Variants in ENTPD5 observed in about 807,000 individuals in gnomAD.
ENTPD5 encodes ectonucleoside triphosphate diphosphohydrolase 5 (inactive).
ENTPD5 carries 49 observed loss-of-function variants against 60.2 expected under a neutral mutation model. That is an observed-to-expected ratio of 0.81 (90% CI 0.65 to 1.03). ENTPD5 has a LOEUF of 1.03. Among genes scored for constraint, ENTPD5 ranks in the 50% least tolerant of loss-of-function variants. ENTPD5 has a pLI of 0.00. For missense variants in ENTPD5, 480 were observed against 507.6 expected, an observed-to-expected ratio of 0.95 and a Z score of 0.52; for synonymous variants, 187 against 185.4, an observed-to-expected ratio of 1.01 and a Z score of -0.07.
At chr14:73,974,203 T>G (rs1337540193) in intron 11 of ENTPD5, among the ~76,000 whole-genome samples, 1 of 152,202 alleles carries the variant, frequency 6.6e-6, no homozygotes, top group Non-Finnish European at 1.5e-5. Context: ...CAAATTTTCA[T>G]GCATATGTGC....
At chr14:74,011,189 C>T in intron 2 of ENTPD5, 39 bp from the exon 3 acceptor site, 1 of 565,086 alleles carries the variant, frequency 1.8e-6, no homozygotes, top group Non-Finnish European at 2.2e-6. Context: ...AGAACAGTTT[C>T]CTCTTTTTCT....
chr14:73,980,173 C>T (rs2057621370), intron 6 of ENTPD5, among the ~76,000 whole-genome samples: 1 of 150,948 alleles, frequency 6.6e-6, no homozygotes, highest in African/African-American at 2.4e-5. Context: ...TCTTGAACTC[C>T]TGACCTCAGG....
chr14:73,962,992 G>A (rs773021305), downstream of ENTPD5: 61 of 1,608,472 alleles, frequency 3.8e-5, no homozygotes, highest in Non-Finnish European at 4.9e-5. Context: ...GCCTTTGCAA[G>A]CAAATGAGTA....
At chr14:73,980,592 T>G (rs918303242) in intron 6 of ENTPD5, among the ~76,000 whole-genome samples, 15 of 152,116 alleles carry the variant, frequency 9.9e-5, no homozygotes, top group Admixed American at 9.8e-4. Context: ...ATAGGGGTCT[T>G]GCTTTGTTGT....
chr14:73,978,078 G>A (rs1392769921), intron 6 of ENTPD5, among the ~76,000 whole-genome samples: 2 of 152,168 alleles, frequency 1.3e-5, no homozygotes, highest in Non-Finnish European at 2.9e-5. Context: ...TCTGATGGAT[G>A]AAACATACCA....
chr14:74,012,372 G>A (rs1267205505), intron 2 of ENTPD5, among the ~76,000 whole-genome samples: 2 of 152,146 alleles, frequency 1.3e-5, no homozygotes, highest in East Asian at 3.8e-4. Context: ...CTCCTAAAGT[G>A]CTGGGATTAT....
chr14:74,004,088 G>A (rs530875024), intron 3 of ENTPD5, among the ~76,000 whole-genome samples: 2 of 152,184 alleles, frequency 1.3e-5, no homozygotes, highest in African/African-American at 2.4e-5. Flanking sequence ...ATGGGTGACA[G>A]AGCAAGACCC....
At position 73,989,701 on chromosome 14, in the gene ENTPD5, C is replaced by G. The variant is rs528861086; in HGVS notation, c.-70-1529G>C. Among the ~76,000 whole-genome samples the G allele has an allele frequency of 1.4e-4, 22 of 152,156 alleles. No individual in the cohort carries two copies. The East Asian group carries it at 4.2e-3, about 29-fold the overall frequency. On this transcript the variant is annotated intron_variant, in intron 3 of 15. Coordinates refer to ENST00000334696, the MANE Select transcript of ENTPD5 (RefSeq NM_001249.5). ...TACAAAAATTAGCTGGGCATGATGG[C>G]GGGTGCCTATAATCCCAGCTACTGG...
intron 3 of ENTPD5, among the ~76,000 whole-genome samples, chr14:73,995,141 C>T (rs1416426212): frequency 2.6e-5 from 4 of 151,580 alleles, no homozygotes; most frequent in South Asian, 2.1e-4. Context: ...CTCCGCCTCC[C>T]GGGTTCAAGC....
At position 73,966,960 on chromosome 14, in the gene ENTPD5, G is replaced by C. The variant is rs768044990; in HGVS notation, c.1255C>G (p.His419Asp). 6.2e-7 allele frequency: 1 copy of C among 1,614,200 alleles called. No individual in the cohort carries two copies. Among genetic ancestry groups the C allele is most frequent in the Non-Finnish European group, 8.5e-7 (1 of 1,180,008 alleles). The change falls in exon 16 of 16, where the codon CAC becomes GAC. Residue 419 changes from histidine to aspartate, a missense_variant. Transcript: ENST00000334696. ...ETGWALGATFHLLQSLGISH is the reference protein window; with the variant it reads ...ETGWALGATFDLLQSLGISH ...GAGATGCCCAGAGACTGCAACAGGT[G>C]AAAGGTGGCCCCCAAGGCCCAGCCC...
intron 3 of ENTPD5, among the ~76,000 whole-genome samples, chr14:73,990,096 G>A (rs1209897285): frequency 6.6e-6 from 1 of 151,592 alleles, no homozygotes; most frequent in Non-Finnish European, 1.5e-5. Flanking sequence ...GAGGTAGGAA[G>A]ACCACTTGAG....
Position 73,963,250 on chromosome 14 carries a change from T to C in ENTPD5, c.*3678A>G. On this transcript the variant is annotated 3_prime_UTR_variant, in exon 16 of 16. Transcript: ENST00000334696. ...TACAATTTGGTTGAAAAGAGCTTTT[T>C]ATTACTAAAAAACCCACAAGGTGCT... 3.5e-6 allele frequency: 2 copies of C among 567,470 alleles called. No individual in the cohort carries two copies. The highest frequency in any genetic ancestry group is 6.2e-6 in the Non-Finnish European group (2 of 321,452). 35.2% of individuals were successfully genotyped at this position (567,470 alleles called of 1,614,324 possible). A position where few individuals can be genotyped will look rare whatever the true frequency, so the allele number is the denominator to read the frequency against.
chr14:73,974,047 C>A (rs1025672438), intron 11 of ENTPD5, 69 bp from the exon 12 acceptor site: 7 of 1,317,136 alleles, frequency 5.3e-6, no homozygotes, highest in Non-Finnish European at 6.6e-6. Context: ...AAGCAAGAAG[C>A]CAGTGAGGTG....
intron 3 of ENTPD5, among the ~76,000 whole-genome samples, chr14:74,008,393 CT>C (rs986672970): frequency 9.1e-4 from 131 of 143,238 alleles, no homozygotes; most frequent in Admixed American, 1.1e-3. Flanking sequence ...TTTCTTTTTT[CT>C]TTTTTTTTTT....
intron 4 of ENTPD5, among the ~76,000 whole-genome samples, chr14:73,987,683 T>C (rs1275309963): frequency 1.3e-5 from 2 of 151,634 alleles, no homozygotes; most frequent in African/African-American, 4.8e-5. Context: ...AAAAAAAAAG[T>C]TAAAAAATAA....
downstream of ENTPD5, chr14:73,955,370 C>T (rs1220657289): frequency 9.7e-7 from 1 of 1,026,106 alleles, no homozygotes; most frequent in South Asian, 1.3e-5. Flanking sequence ...AAAACAACCT[C>T]TTACGTAACA....
Position 74,006,384 on chromosome 14 carries a change from C to A in ENTPD5, c.-71+4707G>T, listed in dbSNP as rs1367833847. Among the ~76,000 whole-genome samples, 6 of 150,494 alleles carry A rather than the reference C, an allele frequency of 4.0e-5. No homozygotes were observed. In the Admixed American group the frequency reaches 4.0e-4, roughly 10 times the overall value. On this transcript the variant is annotated intron_variant, in intron 3 of 15. Coordinates refer to ENST00000334696, the MANE Select transcript of ENTPD5 (RefSeq NM_001249.5). ...CTGCAAGCTCCGCTTCCCGGGTTCA[C>A]ACCATTCTCCTGCCTCAGCCTCCCG...
intron 3 of ENTPD5, among the ~76,000 whole-genome samples, chr14:74,002,777 A>T (rs59675549): frequency 0.079 from 11,985 of 152,266 alleles, 617 homozygotes; most frequent in South Asian, 0.26. Flanking sequence ...GTCATCCTTT[A>T]ATATAAATTA....
chr14:73,959,124 G>C (rs369688769), downstream of ENTPD5: 6 of 1,614,050 alleles, frequency 3.7e-6, no homozygotes, highest in Non-Finnish European at 3.4e-6. Context: ...ATAGGCACTA[G>C]GTACTTCACA....
Sources: gnomAD v4.1 joint callset for allele counts (sites outside exome capture counted in the v4.1 genomes callset) on GRCh38, gnomAD v4.1.1 for gene constraint, MANE v1.5 for transcripts, NCBI Gene and HGNC (gene_info 2026-07-23, HGNC 2026-07-21) for gene names.